Variants in SLMAP observed in about 807,000 individuals in gnomAD.
SLMAP encodes the protein sarcolemmal membrane-associated protein.
In SLMAP, 44 loss-of-function variants were observed where a neutral mutation model predicts 128.8. The observed-to-expected ratio is 0.34, with a 90% CI of 0.27 to 0.44. The LOEUF (loss-of-function observed/expected upper bound fraction) is 0.44, where lower values mean the gene tolerates loss of function less well. Among genes scored for constraint, SLMAP ranks in the 20% least tolerant of loss-of-function variants. The pLI is 1.00. For synonymous variants in SLMAP, 327 were observed against 348.8 expected (o/e 0.94, Z 0.70); for missense variants, 787 against 985.3 (o/e 0.80, Z 2.69).
intron 2 of SLMAP, among the ~76,000 whole-genome samples, chr3:57,831,073 T>TTTTTTTTTTTTTTTTTTTTTGAGAC (rs2093308342): frequency 6.6e-6 from 1 of 152,206 alleles, no homozygotes; most frequent in African/African-American, 2.4e-5. Flanking sequence ...TTAGTTCTCT[T>TTTTTTTTTTTTTTTTTTTTTGAGAC]GGATGTATAC....
chr3:57,905,860 C>T lies in SLMAP; in HGVS notation c.1502-2024C>T, dbSNP rs540639298. On this transcript the variant is annotated intron_variant, in intron 17 of 24. Coordinates refer to ENST00000671191, the MANE Select transcript of SLMAP (RefSeq NM_001377540.1). ...ATATCTGACCAGGAAAACTACCAAA[C>T]ATCCTACAATTCATAGGGTAGCCCC... 7.2e-5 allele frequency among the ~76,000 whole-genome samples: 11 copies of T among 152,190 alleles called. No individual in the cohort carries two copies. In the East Asian group the frequency reaches 2.1e-3, roughly 29 times the overall value.
At chr3:57,830,372 T>C (rs1286039179) in intron 2 of SLMAP, among the ~76,000 whole-genome samples, 1 of 152,222 alleles carries the variant, frequency 6.6e-6, no homozygotes, top group Non-Finnish European at 1.5e-5. Context: ...AAAGTATATT[T>C]TGATATATAG....
chr3:57,796,148 A>G (rs758849933), intron 2 of SLMAP, among the ~76,000 whole-genome samples: 2 of 152,134 alleles, frequency 1.3e-5, no homozygotes, highest in East Asian at 3.8e-4. Context: ...TCTCCCTTCT[A>G]TATTTAAAAC....
chr3:57,869,643 T>TATATATATATATA (rs1553900418), intron 13 of SLMAP, among the ~76,000 whole-genome samples: 59 of 129,676 alleles, frequency 4.5e-4, no homozygotes, highest in African/African-American at 1.5e-3. Context: ...TATATATATA[T>TATATATATATATA]ATATATATAT....
chr3:57,848,681 T>C (rs2094385773), intron 5 of SLMAP, among the ~76,000 whole-genome samples: 1 of 148,540 alleles, frequency 6.7e-6, no homozygotes, highest in Non-Finnish European at 1.5e-5. Flanking sequence ...TCCTCTTCCT[T>C]CCTTCTTCTT....
At chr3:57,812,566 A>G (rs746841240) in intron 2 of SLMAP, among the ~76,000 whole-genome samples, 1 of 152,152 alleles carries the variant, frequency 6.6e-6, no homozygotes, top group African/African-American at 2.4e-5. Flanking sequence ...GAAATTCTAT[A>G]TAAGTTTTAG....
At chr3:57,893,669 G>T (rs1274098539) in intron 15 of SLMAP, among the ~76,000 whole-genome samples, 1 of 152,046 alleles carries the variant, frequency 6.6e-6, no homozygotes, top group Admixed American at 6.6e-5. Context: ...ATCAGGGAGA[G>T]CTGTTTTCCT....
chr3:57,860,195 T>C (rs114994901), intron 8 of SLMAP, among the ~76,000 whole-genome samples: 5 of 152,338 alleles, frequency 3.3e-5, no homozygotes, highest in African/African-American at 1.2e-4. Flanking sequence ...ATCCCATCTT[T>C]GGTCTGTGTA....
chr3:57,858,197 A>G (rs886726587), intron 8 of SLMAP, 38 bp downstream of exon 8: 2 of 1,114,790 alleles, frequency 1.8e-6, no homozygotes, highest in Non-Finnish European at 2.7e-6. Flanking sequence ...TGAAATGCAT[A>G]GTTTTTTATG....
chr3:57,765,377 T>C (rs2079475160), intron 2 of SLMAP, among the ~76,000 whole-genome samples: 1 of 152,044 alleles, frequency 6.6e-6, no homozygotes, highest in Admixed American at 6.6e-5. Context: ...GGTGACATAG[T>C]GAGACCCATC....
chr3:57,836,794 G>C (rs2093662056), intron 3 of SLMAP, among the ~76,000 whole-genome samples: 1 of 152,206 alleles, frequency 6.6e-6, no homozygotes, highest in Non-Finnish European at 1.5e-5. Flanking sequence ...AAGGAAGAAA[G>C]TGAGAAAGCC....
chr3:57,770,837 G>C (rs181926504), intron 2 of SLMAP, among the ~76,000 whole-genome samples: 1 of 152,138 alleles, frequency 6.6e-6, no homozygotes, highest in Non-Finnish European at 1.5e-5. Flanking sequence ...TGTTTGTATA[G>C]TAATACCAGT....
At chr3:57,842,413 C>T (rs182171320) in intron 4 of SLMAP, among the ~76,000 whole-genome samples, 121 of 151,502 alleles carry the variant, frequency 8.0e-4, no homozygotes, top group Non-Finnish European at 9.6e-4. Context: ...TTTCTATTTG[C>T]GATTACAGCT....
intron 2 of SLMAP, among the ~76,000 whole-genome samples, chr3:57,807,235 T>C (rs1053197237): frequency 6.6e-6 from 1 of 152,228 alleles, no homozygotes; most frequent in African/African-American, 2.4e-5. Context: ...TAAATCTGTT[T>C]AAGTTCCTTA....
At chr3:57,848,285 C>G (rs990244343) in intron 5 of SLMAP, among the ~76,000 whole-genome samples, 23 of 147,194 alleles carry the variant, frequency 1.6e-4, no homozygotes, top group African/African-American at 5.5e-4. Flanking sequence ...CCATCTTCTC[C>G]TCCTCTTTCT....
chr3:57,883,834 A>C (rs554010026), intron 14 of SLMAP, among the ~76,000 whole-genome samples: 2 of 152,304 alleles, frequency 1.3e-5, no homozygotes, highest in Non-Finnish European at 2.9e-5. Flanking sequence ...AATACCTGTC[A>C]GGTAGGGCAG....
At chr3:57,834,476 G>A (rs1459611158) in intron 3 of SLMAP, among the ~76,000 whole-genome samples, 1 of 151,988 alleles carries the variant, frequency 6.6e-6, no homozygotes, top group South Asian at 2.1e-4. Flanking sequence ...GCTATCTATG[G>A]CAAAGAGAAA....
chr3:57,825,403 A>G (rs1209535431), intron 2 of SLMAP, among the ~76,000 whole-genome samples: 1 of 151,376 alleles, frequency 6.6e-6, no homozygotes, highest in Non-Finnish European at 1.5e-5. Flanking sequence ...ATGTTGAGGA[A>G]GTTCCCTTCT....
intron 24 of SLMAP, 44 bp downstream of exon 24, chr3:57,925,978 C>A (rs1319016745): frequency 1.5e-6 from 2 of 1,357,760 alleles, no homozygotes; most frequent in Non-Finnish European, 2.1e-6. Context: ...GTCCCCGTCA[C>A]CTTTTTGTGC....
Sources: gnomAD v4.1 joint callset for allele counts (sites outside exome capture counted in the v4.1 genomes callset) on GRCh38, gnomAD v4.1.1 for gene constraint, MANE v1.5 for transcripts, NCBI Gene and HGNC (gene_info 2026-07-23, HGNC 2026-07-21) for gene names.